The following FOSL1 variants were observed in gnomAD, a reference collection of about 807,000 sequenced individuals.
The protein encoded by FOSL1 is fos-related antigen 1.
Under a neutral mutation model 24.9 loss-of-function variants are expected in FOSL1, and 14 were observed. That is an observed-to-expected ratio of 0.56 (90% CI 0.37 to 0.88). The LOEUF is 0.88. FOSL1 is among the 40% of genes least tolerant of loss of function. The probability of loss-of-function intolerance (pLI) is 0.00; values close to 1 mark genes in which losing one functional copy is unlikely to be tolerated. For synonymous variants in FOSL1, 133 were observed against 145.1 expected (o/e 0.92, Z 0.60); for missense variants, 318 against 359.8 (o/e 0.88, Z 0.94).
At chr11:65,897,160 C>T (rs1313520729) in intron 1 of FOSL1, among the ~76,000 whole-genome samples, 154 bp from the exon 2 acceptor site, 1 of 152,130 alleles carries the variant, frequency 6.6e-6, no homozygotes, top group Non-Finnish European at 1.5e-5. Context: ...GACCTGGTGG[C>T]AAATCCCTGC....
intron 1 of FOSL1, among the ~76,000 whole-genome samples, chr11:65,898,962 G>GAA (rs745881086): frequency 0.071 from 2,181 of 30,868 alleles, 52 homozygotes; most frequent in Middle Eastern, 0.11. Context: ...CCCTGTCTCA[G>GAA]AAAAAAAAAA....
chr11:65,898,847 C>T (rs1287024599), intron 1 of FOSL1, among the ~76,000 whole-genome samples: 5 of 151,480 alleles, frequency 3.3e-5, no homozygotes, highest in Non-Finnish European at 7.4e-5. Flanking sequence ...GTGGCCAGGT[C>T]GCTTCCCAGC....
At chr11:65,900,522 C>T (rs1243003839), upstream of FOSL1, 6 of 391,650 alleles carry the variant, frequency 1.5e-5, no homozygotes, top group Non-Finnish European at 2.7e-5. Context: ...GCCGCCTTGG[C>T]CCGTCGGTCC....
At chr11:65,895,989 G>A (rs897440818) in intron 2 of FOSL1, among the ~76,000 whole-genome samples, 5 of 152,186 alleles carry the variant, frequency 3.3e-5, no homozygotes. Flanking sequence ...TTAGCTTCCA[G>A]TGAGACAGCG....
intron 1 of FOSL1, among the ~76,000 whole-genome samples, chr11:65,898,652 A>G (rs1432151672): frequency 1.1e-4 from 16 of 152,196 alleles, no homozygotes; most frequent in Non-Finnish European, 1.5e-5. Flanking sequence ...CTCTGAAATC[A>G]TAGTTTAATT....
chr11:65,893,814 T>C (rs539968194), intron 3 of FOSL1, among the ~76,000 whole-genome samples, 200 bp downstream of exon 3: 148 of 151,852 alleles, frequency 9.7e-4, no homozygotes, highest in African/African-American at 3.5e-3. Context: ...AAAAGGAGAT[T>C]GCTGGCTGAG....
chr11:65,892,983 G>T lies in FOSL1; in HGVS notation c.719C>A (p.Thr240Asn). The T allele has an allele frequency of 6.2e-7, 1 of 1,612,906 alleles. No homozygotes were observed. Among genetic ancestry groups the T allele is most frequent in the Non-Finnish European group, 8.5e-7 (1 of 1,180,016 alleles). Residue 240 changes from threonine (T) to asparagine (N), a missense_variant, in exon 4 of 4, where the codon ACT becomes AAT. Transcript: ENST00000312562. Reference sequence around the variant, plus strand: ...ATGAGCTGAGGCACAAGGCTCAGGAGTGCTGGGGTAGGTGAAGACCAGGCT... The same window carrying T: ...ATGAGCTGAGGCACAAGGCTCAGGATTGCTGGGGTAGGTGAAGACCAGGCT... ...TPSLVFTYPS[T>N]PEPCASAHRK...
chr11:65,893,415 A>G (rs1309089577), intron 3 of FOSL1, 119 bp from the exon 4 acceptor site: 7 of 734,510 alleles, frequency 9.5e-6, no homozygotes, highest in Non-Finnish European at 1.5e-5. Context: ...GGGGCAGTGG[A>G]GAGTCCCCAG....
At chr11:65,897,861 T>A (rs1289157334) in intron 1 of FOSL1, among the ~76,000 whole-genome samples, 1 of 149,980 alleles carries the variant, frequency 6.7e-6, no homozygotes, top group African/African-American at 2.4e-5. Context: ...AAAGAGTCAC[T>A]GCTCTGGGTT....
rs1241685872 is a variant in FOSL1 at position 65,892,938 on chromosome 11, C to T, written c.764G>A (p.Ser255Asn). ...ASAHRKSSSS[S>N]GDPSSDPLGS... Reference sequence around the variant, plus strand: ...AAGGGGGTCAGAGGATGGGTCTCCGCTGCTGCTGCTACTCTTGCGATGAGC... The same window carrying T: ...AAGGGGGTCAGAGGATGGGTCTCCGTTGCTGCTGCTACTCTTGCGATGAGC... Residue 255 changes from serine (S) to asparagine (N), a missense_variant, in exon 4 of 4, where the codon AGC (serine) becomes AAC (asparagine). Physicochemically the swap from Ser to Asn is conservative, Grantham distance 46 (BLOSUM62 1). Coordinates refer to ENST00000312562, the MANE Select transcript of FOSL1 (RefSeq NM_005438.5). 1 of 1,612,344 alleles carries T rather than the reference C, an allele frequency of 6.2e-7. No homozygotes were observed. Among genetic ancestry groups the T allele is most frequent in the South Asian group, 1.1e-5 (1 of 90,992 alleles).
At chr11:65,898,676 A>T (rs548589247) in intron 1 of FOSL1, among the ~76,000 whole-genome samples, 3 of 152,324 alleles carry the variant, frequency 2.0e-5, no homozygotes, top group East Asian at 1.9e-4. Context: ...AATTTAAAAA[A>T]TTTTAGTGGA....
rs1274761207 is a variant in FOSL1 at position 65,892,970 on chromosome 11, A to G, written c.732T>C (p.Cys244=). Residue 244 remains cysteine (C), a synonymous_variant, in exon 4 of 4, where the codon TGT becomes TGC. Transcript: ENST00000312562. Reference sequence around the variant, plus strand: ...TGCTACTCTTGCGATGAGCTGAGGCACAAGGCTCAGGAGTGCTGGGGTAGG... The same window carrying G: ...TGCTACTCTTGCGATGAGCTGAGGCGCAAGGCTCAGGAGTGCTGGGGTAGG... ...VFTYPSTPEP[C]ASAHRKSSSS... is the part of the protein sequence containing the mutation. 5.6e-6 allele frequency: 9 copies of G among 1,612,694 alleles called. No homozygotes were observed. The African/African-American group carries it at 1.2e-4, about 22-fold the overall frequency.
At chr11:65,899,383 G>A (rs925444281) in intron 1 of FOSL1, among the ~76,000 whole-genome samples, 1 of 152,206 alleles carries the variant, frequency 6.6e-6, no homozygotes, top group African/African-American at 2.4e-5. Flanking sequence ...GGGACGCCCC[G>A]GGTGACTCAG....
rs1860645342 is a variant in FOSL1, at chr11:65,900,349, T to G, written c.-10A>C. The G allele has an allele frequency of 4.8e-5, 59 of 1,229,184 alleles. No homozygotes were observed. Among genetic ancestry groups the G allele is most frequent in the Non-Finnish European group, 6.0e-5 (59 of 983,004 alleles). The allele number at this position is 1,229,184 out of a possible 1,614,324, so 76.1% of individuals were successfully genotyped here. The stretch of plus-strand genomic sequence containing the variant: ...CGAAGTCTCGGAACATGCCCGGGGC[T>G]GGCGGCTCTGCGGGGTACACGGCTG... On this transcript the variant is annotated 5_prime_UTR_variant, in exon 1 of 4. Coordinates refer to ENST00000312562, the MANE Select transcript of FOSL1 (RefSeq NM_005438.5).
At chr11:65,898,847 C>G (rs1287024599) in intron 1 of FOSL1, among the ~76,000 whole-genome samples, 1 of 151,480 alleles carries the variant, frequency 6.6e-6, no homozygotes, top group Non-Finnish European at 1.5e-5. Flanking sequence ...GTGGCCAGGT[C>G]GCTTCCCAGC....
At chr11:65,900,537 C>T (rs1214180078), upstream of FOSL1, 1 of 387,736 alleles carries the variant, frequency 2.6e-6, no homozygotes, top group Admixed American at 4.5e-5. Flanking sequence ...CGGTCCCGAA[C>T]TTGGCGACGC....
intron 2 of FOSL1, among the ~76,000 whole-genome samples, chr11:65,895,720 A>G (rs1860510386): frequency 6.6e-6 from 1 of 150,886 alleles, no homozygotes; most frequent in Non-Finnish European, 1.5e-5. Context: ...CCTCCTCACC[A>G]CAAAGGCCAG....
At chr11:65,899,633 A>G (rs1362751668) in intron 1 of FOSL1, among the ~76,000 whole-genome samples, 2 of 152,204 alleles carry the variant, frequency 1.3e-5, no homozygotes, top group Non-Finnish European at 2.9e-5. Flanking sequence ...AAAGGGATCG[A>G]GGGCCGGTCT....
intron 2 of FOSL1, among the ~76,000 whole-genome samples, chr11:65,894,447 G>A (rs1288640739): frequency 2.0e-5 from 3 of 152,116 alleles, no homozygotes; most frequent in African/African-American, 7.2e-5. Context: ...CCAGCCAGAA[G>A]TGACCTTTCC....
Sources: gnomAD v4.1 joint callset for allele counts (sites outside exome capture counted in the v4.1 genomes callset) on GRCh38, gnomAD v4.1.1 for gene constraint, MANE v1.5 for transcripts, NCBI Gene and HGNC (gene_info 2026-07-23, HGNC 2026-07-21) for gene names.